The following MYO1D variants were observed in gnomAD, a reference collection of about 807,000 sequenced individuals.
The protein encoded by MYO1D is myosin ID.
MYO1D carries 83 observed loss-of-function variants against 122.0 expected under a neutral mutation model. The observed-to-expected ratio is 0.68, with a 90% confidence interval of 0.57 to 0.82. MYO1D has a LOEUF of 0.82. Ranked by LOEUF, MYO1D falls within the 40% of genes least tolerant of loss-of-function variation. MYO1D has a pLI of 0.00. For synonymous variants in MYO1D, 464 were observed against 446.9 expected, an observed-to-expected ratio of 1.04 and a Z score of -0.48; for missense variants, 1,157 against 1,269.5, an observed-to-expected ratio of 0.91 and a Z score of 1.35.
intron 1 of MYO1D, among the ~76,000 whole-genome samples, chr17:32,826,852 TAC>T (rs2090727247): frequency 6.6e-6 from 1 of 152,202 alleles, no homozygotes; most frequent in African/African-American, 2.4e-5. Flanking sequence ...TGAAAACATA[TAC>T]ATATATATAT....
intron 16 of MYO1D, among the ~76,000 whole-genome samples, chr17:32,705,150 T>C (rs115701252): frequency 0.036 from 5,473 of 152,264 alleles, 327 homozygotes; most frequent in African/African-American, 0.12. Flanking sequence ...CAGATTTTTT[T>C]TTTTCACCCC....
chr17:32,696,446 A>C (rs1317157858), intron 16 of MYO1D, among the ~76,000 whole-genome samples: 1 of 152,224 alleles, frequency 6.6e-6, no homozygotes, highest in Non-Finnish European at 1.5e-5. Flanking sequence ...TGACAAAAAA[A>C]GTATAACCAA....
At chr17:32,562,016 G>A (rs2087130740) in intron 21 of MYO1D, among the ~76,000 whole-genome samples, 1 of 151,546 alleles carries the variant, frequency 6.6e-6, no homozygotes, top group Non-Finnish European at 1.5e-5. Context: ...TGGAGACAGG[G>A]GTCTTGCTGT....
At chr17:32,546,493 C>A (rs1193892565) in intron 21 of MYO1D, among the ~76,000 whole-genome samples, 1 of 152,192 alleles carries the variant, frequency 6.6e-6, no homozygotes, top group African/African-American at 2.4e-5. Flanking sequence ...GATGATGAAT[C>A]CTTGTTGGTT....
At chr17:32,830,803 T>C (rs1158783349) in intron 1 of MYO1D, among the ~76,000 whole-genome samples, 1 of 152,230 alleles carries the variant, frequency 6.6e-6, no homozygotes, top group Non-Finnish European at 1.5e-5. Context: ...CTCATGCCTG[T>C]AATCCCAGCA....
chr17:32,755,862 T>A (rs1291943889), intron 10 of MYO1D, 200 bp from the exon 11 acceptor site: 2 of 488,378 alleles, frequency 4.1e-6, no homozygotes, highest in Non-Finnish European at 7.2e-6. Flanking sequence ...TAACTTTCTA[T>A]CATGAAATAC....
At chr17:32,847,521 T>C (rs1218046204) in intron 1 of MYO1D, among the ~76,000 whole-genome samples, 1 of 152,200 alleles carries the variant, frequency 6.6e-6, no homozygotes, top group East Asian at 1.9e-4. Flanking sequence ...AGAATAGTTA[T>C]TACTATTATT....
intron 16 of MYO1D, among the ~76,000 whole-genome samples, chr17:32,693,242 A>G (rs781603305): frequency 5.3e-5 from 8 of 152,228 alleles, no homozygotes; most frequent in Non-Finnish European, 1.2e-4. Flanking sequence ...AGTGAAATGA[A>G]TATGTAGCCA....
At position 32,847,297 on chromosome 17, in the gene MYO1D, G is replaced by C. The variant is rs547263552; in HGVS notation, c.95+29481C>G. 7.2e-5 allele frequency among the ~76,000 whole-genome samples: 11 copies of C among 152,218 alleles called. No homozygotes were observed. The South Asian group carries it at 1.9e-3, about 26-fold the overall frequency. ...ATGGAACAAACATGGTGAAAGTTAC[G>C]AGTGATTTTGGAATCACAAGCATAT... On this transcript the variant is annotated intron_variant, in intron 1 of 21. Transcript: ENST00000318217.
chr17:32,726,880 T>C (rs1473452368), intron 14 of MYO1D, among the ~76,000 whole-genome samples: 2 of 152,070 alleles, frequency 1.3e-5, no homozygotes, highest in Non-Finnish European at 2.9e-5. Context: ...ATGACCAAAA[T>C]AGCATACAAG....
At chr17:32,749,118 G>A (rs1000757463) in intron 11 of MYO1D, 112 bp from the exon 12 acceptor site, 4 of 951,414 alleles carry the variant, frequency 4.2e-6, no homozygotes, top group Non-Finnish European at 6.5e-6. Context: ...ACATCACATT[G>A]TGTGGGGCTT....
At chr17:32,546,055 C>T (rs1239772730) in intron 21 of MYO1D, among the ~76,000 whole-genome samples, 1 of 152,058 alleles carries the variant, frequency 6.6e-6, no homozygotes, top group South Asian at 2.1e-4. Context: ...GCCACTGAGG[C>T]CTTGCCAGAC....
intron 1 of MYO1D, among the ~76,000 whole-genome samples, chr17:32,802,720 ATGTG>A (rs1296372346): frequency 7.2e-5 from 11 of 152,208 alleles, no homozygotes; most frequent in Non-Finnish European, 1.0e-4. Flanking sequence ...ATATACATGT[ATGTG>A]TGTATGTAGA....
chr17:32,873,917 A>G (rs898697120), intron 1 of MYO1D, among the ~76,000 whole-genome samples: 1 of 152,162 alleles, frequency 6.6e-6, no homozygotes, highest in African/African-American at 2.4e-5. Context: ...CCATATGGAG[A>G]GCTGGTGATT....
chr17:32,834,693 C>A (rs1324047092), intron 1 of MYO1D, among the ~76,000 whole-genome samples: 1 of 152,176 alleles, frequency 6.6e-6, no homozygotes, highest in African/African-American at 2.4e-5. Context: ...GAGTTACCTG[C>A]CCCAAAACAA....
chr17:32,852,489 T>C (rs2090997697), intron 1 of MYO1D, among the ~76,000 whole-genome samples: 2 of 152,200 alleles, frequency 1.3e-5, no homozygotes, highest in Non-Finnish European at 2.9e-5. Flanking sequence ...TAGGAATCCA[T>C]ACCAAGAAGA....
At chr17:32,712,827 A>C (rs2089396025) in intron 15 of MYO1D, among the ~76,000 whole-genome samples, 1 of 152,186 alleles carries the variant, frequency 6.6e-6, no homozygotes, top group Non-Finnish European at 1.5e-5. Context: ...TTGCTTCATG[A>C]GTGTGAGTGT....
intron 1 of MYO1D, among the ~76,000 whole-genome samples, chr17:32,809,096 C>A (rs898982080): frequency 2.6e-5 from 4 of 151,494 alleles, no homozygotes; most frequent in African/African-American, 9.7e-5. Context: ...TCTCCCACAC[C>A]CCCTCCTAGG....
At chr17:32,678,625 A>G (rs932165255) in intron 16 of MYO1D, among the ~76,000 whole-genome samples, 142 of 151,434 alleles carry the variant, frequency 9.4e-4, no homozygotes, top group Non-Finnish European at 1.8e-3. Context: ...TCCATGGTGT[A>G]TATATGCCAC....
Sources: gnomAD v4.1 joint callset for allele counts (sites outside exome capture counted in the v4.1 genomes callset) on GRCh38, gnomAD v4.1.1 for gene constraint, MANE v1.5 for transcripts, NCBI Gene and HGNC (gene_info 2026-07-23, HGNC 2026-07-21) for gene names.